Variants in BRINP1 observed in about 807,000 individuals in gnomAD.
BRINP1 encodes the protein BMP/retinoic acid-inducible neural-specific protein 1.
A neutral mutation model predicts 72.9 loss-of-function variants in BRINP1; 17 were observed. The observed-to-expected ratio is 0.23, with a 90% CI of 0.16 to 0.35. BRINP1 has a LOEUF of 0.35. BRINP1 is among the 10% of genes least tolerant of loss of function. BRINP1 has a pLI of 1.00. For synonymous variants in BRINP1, 418 were observed against 378.5 expected, an observed-to-expected ratio of 1.10 and a Z score of -1.21; for missense variants, 850 against 1,001.6, an observed-to-expected ratio of 0.85 and a Z score of 2.04.
intron 1 of BRINP1, among the ~76,000 whole-genome samples, chr9:119,328,152 A>C (rs1323089006): frequency 6.6e-6 from 1 of 152,220 alleles, no homozygotes; most frequent in Non-Finnish European, 1.5e-5. Flanking sequence ...GAATAATGGC[A>C]ACAAAGCCAG....
chr9:119,227,783 G>A (rs756415322), intron 5 of BRINP1, among the ~76,000 whole-genome samples: 1 of 151,930 alleles, frequency 6.6e-6, no homozygotes, highest in Non-Finnish European at 1.5e-5. Context: ...TGTGGGAGAG[G>A]AGGGGGCTTT....
intron 1 of BRINP1, among the ~76,000 whole-genome samples, chr9:119,341,068 A>G (rs896325234): frequency 3.3e-5 from 5 of 152,148 alleles, no homozygotes; most frequent in Non-Finnish European, 5.9e-5. Context: ...TCCATATCAC[A>G]GTCTAGACTC....
chr9:119,346,080 T>C (rs1026895679), intron 1 of BRINP1, among the ~76,000 whole-genome samples: 16 of 152,134 alleles, frequency 1.1e-4, no homozygotes, highest in Non-Finnish European at 1.9e-4. Flanking sequence ...TATATCACAT[T>C]AAATGTACTT....
chr9:119,249,122 T>A lies in BRINP1; in HGVS notation c.247A>T (p.Thr83Ser). Residue 83 changes from threonine to serine, a missense_variant, in exon 3 of 8, where the codon ACA (threonine) becomes TCA (serine). By Grantham distance (58) the Thr-to-Ser change is moderately conservative (BLOSUM62 1). Coordinates refer to ENST00000265922, the MANE Select transcript of BRINP1 (RefSeq NM_014618.3). ...ACCAGATCTCTCCTCTCGATGGCTG[T>A]GTTCCTCACCTTCCAACGGGCAAAC... The part of the protein sequence containing the change: ...REFARWKVRN[T>S]AIERRDLVRH... 6.2e-7 allele frequency: 1 copy of A among 1,613,924 alleles called. No homozygotes were observed. The highest frequency in any genetic ancestry group is 8.5e-7 in the Non-Finnish European group (1 of 1,179,970).
intron 7 of BRINP1, among the ~76,000 whole-genome samples, chr9:119,198,999 T>C (rs1332011417): frequency 2.0e-5 from 3 of 152,158 alleles, no homozygotes; most frequent in Non-Finnish European, 2.9e-5. Flanking sequence ...TCTATCTGTA[T>C]ATTTCTTTAC....
intron 7 of BRINP1, among the ~76,000 whole-genome samples, chr9:119,179,362 G>A (rs1829526784): frequency 6.6e-6 from 1 of 152,096 alleles, no homozygotes; most frequent in African/African-American, 2.4e-5. Flanking sequence ...GAAGGAAGGA[G>A]AAAGTAGGAG....
chr9:119,207,024 A>G (rs1829864573), intron 7 of BRINP1, among the ~76,000 whole-genome samples: 1 of 152,222 alleles, frequency 6.6e-6, no homozygotes, highest in African/African-American at 2.4e-5. Context: ...GGGAATAGGG[A>G]AAACAGAGAT....
At chr9:119,300,713 T>C (rs1004511168) in intron 2 of BRINP1, among the ~76,000 whole-genome samples, 5 of 152,150 alleles carry the variant, frequency 3.3e-5, no homozygotes, top group Non-Finnish European at 7.3e-5. Flanking sequence ...ACTCCCTTTT[T>C]CTCACTTCTC....
chr9:119,346,913 G>A (rs777767343), intron 1 of BRINP1, among the ~76,000 whole-genome samples: 3 of 152,026 alleles, frequency 2.0e-5, no homozygotes, highest in Admixed American at 6.5e-5. Flanking sequence ...GACATTAATC[G>A]GACATGTTAG....
chr9:119,233,422 C>G (rs1588172202), intron 5 of BRINP1, among the ~76,000 whole-genome samples: 1 of 151,978 alleles, frequency 6.6e-6, no homozygotes, highest in Non-Finnish European at 1.5e-5. Context: ...AAAAATAAAT[C>G]TAATAAAAAT....
chr9:119,294,894 G>A (rs1256854844), intron 2 of BRINP1, among the ~76,000 whole-genome samples: 2 of 144,484 alleles, frequency 1.4e-5, no homozygotes, highest in Non-Finnish European at 3.0e-5. Context: ...TGGAAAGGTA[G>A]CACGTGTTCA....
At chr9:119,216,047 A>C (rs1829972580) in intron 5 of BRINP1, among the ~76,000 whole-genome samples, 1 of 152,250 alleles carries the variant, frequency 6.6e-6, no homozygotes, top group Non-Finnish European at 1.5e-5. Flanking sequence ...CATAGCAAGC[A>C]AACAATAAAT....
intron 2 of BRINP1, among the ~76,000 whole-genome samples, chr9:119,304,697 G>A (rs1203567955): frequency 6.6e-6 from 1 of 152,242 alleles, no homozygotes. Context: ...CTGTAAGCCT[G>A]GATGCTGCAC....
chr9:119,184,291 TCTC>T (rs1829591809), intron 7 of BRINP1, among the ~76,000 whole-genome samples: 2 of 152,076 alleles, frequency 1.3e-5, no homozygotes, highest in Non-Finnish European at 2.9e-5. Flanking sequence ...CTGCCACACA[TCTC>T]CTTGCCCCTC....
At chr9:119,313,540 A>C (rs774727761) in intron 1 of BRINP1, 135 bp from the exon 2 acceptor site, 1 of 746,564 alleles carries the variant, frequency 1.3e-6, no homozygotes, top group African/African-American at 1.8e-5. Context: ...ATAATACCTT[A>C]TATCAGTAGA....
rs3983901 is a variant in BRINP1, at chr9:119,366,503, CGTGTGTGTGTGTGTGTGTGT to C, written c.-51+2533_-51+2552del. On this transcript the variant is annotated intron_variant, in intron 1 of 7. Transcript: ENST00000265922. ...TCTCTCTCAGTCCTCCCCCCACCAC[CGTGTGTGTGTGTGTGTGTGT>C]GTGTGTGTGTGTGTGTGTGTGTGTG... is the stretch of plus-strand genomic sequence containing the variant. Among the ~76,000 whole-genome samples the C allele has an allele frequency of 2.8e-3, 383 of 136,310 alleles. 10 individuals are homozygous for C. The highest frequency in any genetic ancestry group is 8.7e-3 in the African/African-American group (309 of 35,626). The allele number at this position is 136,310 out of a possible 152,430, so 89.4% of individuals were successfully genotyped here.
At chr9:119,179,687 A>G (rs774675410) in intron 7 of BRINP1, among the ~76,000 whole-genome samples, 1 of 152,212 alleles carries the variant, frequency 6.6e-6, no homozygotes, top group Admixed American at 6.5e-5. Context: ...TGAAGGCCAC[A>G]GAGAGACTGC....
At chr9:119,288,495 G>A (rs1243039230) in intron 2 of BRINP1, among the ~76,000 whole-genome samples, 4 of 152,106 alleles carry the variant, frequency 2.6e-5, no homozygotes, top group Non-Finnish European at 4.4e-5. Context: ...GAGAAAGAGT[G>A]GGAAAGAGTA....
intron 5 of BRINP1, among the ~76,000 whole-genome samples, chr9:119,229,233 A>G (rs1830124267): frequency 6.6e-6 from 1 of 152,262 alleles, no homozygotes; most frequent in Non-Finnish European, 1.5e-5. Context: ...CCAAGCACAT[A>G]TGCCATGGAG....
Sources: gnomAD v4.1 joint callset for allele counts (sites outside exome capture counted in the v4.1 genomes callset) on GRCh38, gnomAD v4.1.1 for gene constraint, MANE v1.5 for transcripts, NCBI Gene and HGNC (gene_info 2026-07-23, HGNC 2026-07-21) for gene names.